The following MYH15 variants were observed in gnomAD, a reference collection of about 807,000 sequenced individuals.
MYH15 encodes the protein myosin-15.
In MYH15, 227 loss-of-function variants were observed where a neutral mutation model predicts 240.5. The observed-to-expected ratio is 0.94, with a 90% CI of 0.85 to 1.05. The LOEUF (loss-of-function observed/expected upper bound fraction) is 1.05, where lower values mean the gene tolerates loss of function less well. Among genes scored for constraint, MYH15 ranks in the 50% least tolerant of loss-of-function variants. The pLI, the probability that MYH15 is intolerant of heterozygous loss-of-function variation, is 0.00. For missense variants in MYH15, 2,217 were observed against 2,247.5 expected (o/e 0.99, Z 0.27); for synonymous variants, 785 against 796.7 (o/e 0.99, Z 0.25).
chr3:108,431,995 G>A lies in MYH15; in HGVS notation c.3222-1073C>T, dbSNP rs538692055. On this transcript the variant is annotated intron_variant, in intron 25 of 40. Coordinates refer to ENST00000693548, the MANE Select transcript of MYH15 (RefSeq NM_014981.3). ...AGAGATATGACTTAGGGTACCTGGT[G>A]GAAGGAATTTCTAAGCAGCAAAGCA... Among the ~76,000 whole-genome samples the A allele has an allele frequency of 2.6e-5, 4 of 152,160 alleles. No homozygotes were observed. In the East Asian group the frequency reaches 7.7e-4, roughly 29 times the overall value.
chr3:108,452,323 T>A (rs1191855975), intron 21 of MYH15, among the ~76,000 whole-genome samples: 2 of 152,056 alleles, frequency 1.3e-5, no homozygotes, highest in African/African-American at 4.8e-5. Context: ...TGAGTAATGA[T>A]GCCCTCAAGA....
chr3:108,456,862 AC>A lies in MYH15; in HGVS notation c.2041del (p.Val681PhefsTer37). 6.2e-7 allele frequency: 1 copy of A among 1,613,046 alleles called. No homozygotes were observed. Among genetic ancestry groups the A allele is most frequent in the Non-Finnish European group, 8.5e-7 (1 of 1,179,160 alleles). On this transcript the variant is annotated frameshift_variant, in exon 19 of 41. Coordinates refer to ENST00000693548, the MANE Select transcript of MYH15 (RefSeq NM_014981.3). LOFTEE classifies it high-confidence loss of function. Reference sequence around the variant, plus strand: ...ACCATTACAGCGCAACTGCTGTAGAACCAAGTAAGGGTCCAGTATACCTGGA... The same window carrying A: ...ACCATTACAGCGCAACTGCTGTAGAACAAGTAAGGGTCCAGTATACCTGGA... ...KIPGILDPYL[V>X]LQQLRCNGVL... is the part of the protein sequence containing the mutation.
chr3:108,393,133 T>C (rs994989819), intron 36 of MYH15, among the ~76,000 whole-genome samples: 6 of 152,214 alleles, frequency 3.9e-5, no homozygotes, highest in Non-Finnish European at 8.8e-5. Context: ...AAGTGACTAA[T>C]GTAAAATATA....
chr3:108,459,449 C>A lies in MYH15; in HGVS notation c.1933G>T (p.Glu645Ter). 1 of 1,592,632 alleles carries A rather than the reference C, an allele frequency of 6.3e-7. No homozygotes were observed. The highest frequency in any genetic ancestry group is 1.1e-5 in the South Asian group (1 of 87,006). ...SFQTVASLHK[E>*]NLNKLMTNLK... ...TTAGTCATCAATTTATTCAGGTTTT[C>A]CTAAAATGGAGACCATAATAAACAC... The change falls in exon 18 of 41, where the codon GAA (glutamate) becomes TAA (stop). Residue 645 changes from glutamate (E) to a stop codon, truncating the protein, a stop_gained and splice_region_variant. Transcript: ENST00000693548. LOFTEE classifies it high-confidence loss of function.
intron 27 of MYH15, among the ~76,000 whole-genome samples, chr3:108,424,962 G>A (rs2082714467): frequency 6.6e-6 from 1 of 152,188 alleles, no homozygotes; most frequent in Admixed American, 6.5e-5. Context: ...GTTGATGCTA[G>A]TAATTGAGTG....
intron 37 of MYH15, 31 bp from the exon 38 acceptor site, chr3:108,389,105 G>A (rs760639877): frequency 4.4e-6 from 7 of 1,573,850 alleles, no homozygotes; most frequent in East Asian, 2.2e-5. Flanking sequence ...CAGACCAGAC[G>A]CTGCCACCAA....
At chr3:108,388,298 G>A (rs2082398476) in intron 38 of MYH15, among the ~76,000 whole-genome samples, 1 of 152,152 alleles carries the variant, frequency 6.6e-6, no homozygotes, top group Non-Finnish European at 1.5e-5. Flanking sequence ...TATGTTGACT[G>A]CATTAGAAGG....
At position 108,399,166 on chromosome 3, in the gene MYH15, T is replaced by A. The variant is rs376603685; in HGVS notation, c.4838A>T (p.Asp1613Val). ...AAGCTGGAGTTCCATCTCATTGAGGTCCTCTTCCATCTTCTTCTTCAGCCG... is the reference window on the plus strand; with the variant it reads ...AAGCTGGAGTTCCATCTCATTGAGGACCTCTTCCATCTTCTTCTTCAGCCG... ...VTRLKKKMEE[D>V]LNEMELQLSC... Residue 1613 changes from aspartate (D) to valine (V), a missense_variant, in exon 34 of 41, where the codon GAC (aspartate) becomes GTC (valine). Coordinates refer to ENST00000693548, the MANE Select transcript of MYH15 (RefSeq NM_014981.3). 6.2e-7 allele frequency: 1 copy of A among 1,614,106 alleles called. No homozygotes were observed. The highest frequency in any genetic ancestry group is 1.3e-5 in the African/African-American group (1 of 74,940).
At chr3:108,537,292 A>G in the MYH15 span, among the ~76,000 whole-genome samples, 3 of 152,290 alleles carry the variant, frequency 2.0e-5, no homozygotes, top group South Asian at 2.1e-4. Flanking sequence ...ACAGTCCCAT[A>G]TATCACCTCA....
chr3:108,414,179 C>A, intron 30 of MYH15, 53 bp downstream of exon 30: 1 of 1,555,002 alleles, frequency 6.4e-7, no homozygotes, highest in Non-Finnish European at 8.8e-7. Context: ...TCATTATTCT[C>A]ATACTGCTCC....
chr3:108,548,875 T>G, the MYH15 span, among the ~76,000 whole-genome samples: 1 of 152,108 alleles, frequency 6.6e-6, no homozygotes, highest in Non-Finnish European at 1.5e-5. Context: ...AAGTAACTAG[T>G]CCTTATAATA....
upstream of MYH15, among the ~76,000 whole-genome samples, chr3:108,531,935 T>C (rs2083713888): frequency 6.6e-6 from 1 of 152,130 alleles, no homozygotes; most frequent in Non-Finnish European, 1.5e-5. Context: ...AATATTACAG[T>C]AGAAACTGAA....
At chr3:108,524,410 T>C (rs1420471430) in intron 1 of MYH15, among the ~76,000 whole-genome samples, 3 of 152,204 alleles carry the variant, frequency 2.0e-5, no homozygotes, top group East Asian at 1.9e-4. Flanking sequence ...GGTATTTACT[T>C]GTTCTTTTCA....
At chr3:108,537,047 T>C in the MYH15 span, among the ~76,000 whole-genome samples, 1 of 152,240 alleles carries the variant, frequency 6.6e-6, no homozygotes, top group African/African-American at 2.4e-5. Flanking sequence ...CTCCCTGCAA[T>C]TGGATGGGGA....
chr3:108,490,071 G>A (rs182517063), intron 9 of MYH15, among the ~76,000 whole-genome samples: 62 of 152,214 alleles, frequency 4.1e-4, no homozygotes, highest in Admixed American at 3.7e-3. Context: ...TAGATCTTAC[G>A]TGTCAGTTGC....
upstream of MYH15, among the ~76,000 whole-genome samples, chr3:108,530,613 T>C (rs567406991): frequency 6.6e-6 from 1 of 152,290 alleles, no homozygotes; most frequent in East Asian, 1.9e-4. Flanking sequence ...GGTTCATCAA[T>C]TATAAGATGT....
chr3:108,497,862 G>A (rs2083404160), intron 6 of MYH15, among the ~76,000 whole-genome samples, 190 bp downstream of exon 6: 1 of 152,174 alleles, frequency 6.6e-6, no homozygotes, highest in Admixed American at 6.5e-5. Context: ...ATGTTTTCAT[G>A]TTATTGTTTG....
chr3:108,427,557 C>G (rs1039749479), intron 27 of MYH15, among the ~76,000 whole-genome samples: 5 of 150,716 alleles, frequency 3.3e-5, no homozygotes, highest in African/African-American at 1.2e-4. Flanking sequence ...TGTAAATTAC[C>G]CAGTCTGTGG....
intron 10 of MYH15, 111 bp downstream of exon 10, chr3:108,486,312 C>T: frequency 1.3e-6 from 1 of 751,556 alleles, no homozygotes; most frequent in Non-Finnish European, 2.1e-6. Flanking sequence ...CCCTACACCC[C>T]TACGGAAGCA....
Sources: allele counts gnomAD v4.1 joint callset (sites outside exome capture counted in the v4.1 genomes callset), GRCh38; gene constraint gnomAD v4.1.1; transcripts MANE v1.5; gene names NCBI Gene and HGNC (gene_info 2026-07-23, HGNC 2026-07-21).